GFRA1: variants seen among roughly 807,000 people sequenced by gnomAD.
GFRA1 encodes the protein GDNF family receptor alpha 1.
GFRA1 carries 16 observed loss-of-function variants against 51.6 expected under a neutral mutation model. That is an observed-to-expected ratio of 0.31 (90% CI 0.21 to 0.47). The LOEUF (loss-of-function observed/expected upper bound fraction) is 0.47, where lower values mean the gene tolerates loss of function less well. Among genes scored for constraint, GFRA1 ranks in the 20% least tolerant of loss-of-function variants. The pLI, the probability that GFRA1 is intolerant of heterozygous loss-of-function variation, is 1.00. For synonymous variants in GFRA1, 270 were observed against 241.3 expected (o/e 1.12, Z -1.10); for missense variants, 530 against 594.3 (o/e 0.89, Z 1.13).
At chr10:116,154,515 T>C (rs1380495291) in intron 5 of GFRA1, among the ~76,000 whole-genome samples, 1 of 152,192 alleles carries the variant, frequency 6.6e-6, no homozygotes, top group East Asian at 1.9e-4. Flanking sequence ...GCAAACTTAA[T>C]CCATGCTGAC....
At chr10:116,117,071 G>A (rs777277801) in intron 6 of GFRA1, among the ~76,000 whole-genome samples, 4 of 152,174 alleles carry the variant, frequency 2.6e-5, no homozygotes, top group Non-Finnish European at 5.9e-5. Flanking sequence ...GGAAGACTGA[G>A]CTGATTCCTA....
Position 116,061,769 on chromosome 10 carries a change from C to T in GFRA1, c.*2629G>A. The T allele has an allele frequency of 2.6e-6, 1 of 384,882 alleles. No homozygotes were observed. The highest frequency in any genetic ancestry group is 4.6e-6 in the Non-Finnish European group (1 of 217,698). 23.8% of individuals were successfully genotyped at this position (384,882 alleles called of 1,614,324 possible). Reference sequence around the variant, plus strand: ...CGAATCATTTTTGCTTTTAAGCACGCCAAGAAGAAGTGAGACAGGTAAATG... The same window carrying T: ...CGAATCATTTTTGCTTTTAAGCACGTCAAGAAGAAGTGAGACAGGTAAATG... On this transcript the variant is annotated 3_prime_UTR_variant, in exon 11 of 11. Coordinates refer to ENST00000355422, the MANE Select transcript of GFRA1 (RefSeq NM_005264.8).
rs535424263 is a variant in GFRA1, at chr10:116,135,266, C to A, written c.434-9709G>T. ...TACCAGGAAACTGGCTTTTTAAAAT[C>A]TCTTTCAACCTAATTATAATTACGG... is the stretch of plus-strand genomic sequence containing the variant. On this transcript the variant is annotated intron_variant, in intron 5 of 10. Transcript: ENST00000355422. Among the ~76,000 whole-genome samples the A allele has an allele frequency of 2.6e-4, 39 of 152,292 alleles. 1 individual carries two copies. Among genetic ancestry groups the A allele is most frequent in the African/African-American group, 7.7e-4 (32 of 41,548 alleles).
chr10:116,271,455 C>G (rs1045835206), intron 2 of GFRA1, among the ~76,000 whole-genome samples: 1 of 152,144 alleles, frequency 6.6e-6, no homozygotes, highest in Non-Finnish European at 1.5e-5. Flanking sequence ...CCCGGGCCAC[C>G]CCCGGCTCCA....
chr10:116,106,019 A>G (rs1298675640), intron 6 of GFRA1, among the ~76,000 whole-genome samples: 6 of 152,172 alleles, frequency 3.9e-5, no homozygotes, highest in Non-Finnish European at 8.8e-5. Flanking sequence ...GGAGTCTTTA[A>G]AAGTGGAATA....
At chr10:116,067,873 T>G (rs1955187026) in intron 9 of GFRA1, among the ~76,000 whole-genome samples, 1 of 152,176 alleles carries the variant, frequency 6.6e-6, no homozygotes, top group Admixed American at 6.5e-5. Context: ...TAACTTCAAT[T>G]TCACAGGAAA....
chr10:116,166,017 T>A (rs1565622214), intron 5 of GFRA1, among the ~76,000 whole-genome samples: 1 of 152,214 alleles, frequency 6.6e-6, no homozygotes, highest in Admixed American at 6.5e-5. Context: ...TCTTTTCATT[T>A]AGCTCCCACT....
In GFRA1 at chr10:116,096,666, G is replaced by A. The variant is rs749899433; in HGVS notation, c.869C>T (p.Ser290Leu). 20 of 1,583,220 alleles carry A rather than the reference G, an allele frequency of 1.3e-5. No individual in the cohort carries two copies. The highest frequency in any genetic ancestry group is 1.2e-4 in the Admixed American group (7 of 59,892). Residue 290 changes from serine to leucine, a missense_variant, in exon 7 of 11, where the codon TCG becomes TTG. Transcript: ENST00000355422. ...ENYADCLLAY[S>L]GLIGTVMTPN... is the part of the protein sequence containing the mutation. ...CTCTCGGATCTTACCAATAAGCCCC[G>A]AGTAGGCGAGGAGGCAGTCAGCGTA...
chr10:116,239,867 C>G (rs1237294088), intron 4 of GFRA1, among the ~76,000 whole-genome samples: 1 of 152,010 alleles, frequency 6.6e-6, no homozygotes, highest in Admixed American at 6.6e-5. Flanking sequence ...TAAATTTGAG[C>G]AAAACTATCA....
chr10:116,231,786 G>A (rs1966691999), intron 4 of GFRA1, among the ~76,000 whole-genome samples: 1 of 152,134 alleles, frequency 6.6e-6, no homozygotes, highest in African/African-American at 2.4e-5. Flanking sequence ...AAAAGCTAAT[G>A]CTCTGTGACA....
At chr10:116,243,091 T>C (rs757460796) in intron 4 of GFRA1, among the ~76,000 whole-genome samples, 9 of 152,214 alleles carry the variant, frequency 5.9e-5, no homozygotes, top group Non-Finnish European at 2.9e-5. Flanking sequence ...GCATTTAAAA[T>C]CTTACTACAT....
In GFRA1 at chr10:116,064,082, C is replaced by CATG. The variant is rs1954970618; in HGVS notation, c.*315_*316insCAT. 4.6e-5 allele frequency: 8 copies of CATG among 175,514 alleles called. No homozygotes were observed. In the African/African-American group the frequency reaches 4.6e-4, roughly 10 times the overall value. 10.9% of individuals were successfully genotyped at this position (175,514 alleles called of 1,614,324 possible). A position where few individuals can be genotyped will look rare whatever the true frequency, so the allele number is the denominator to read the frequency against. On this transcript the variant is annotated 3_prime_UTR_variant, in exon 11 of 11. Coordinates refer to ENST00000355422, the MANE Select transcript of GFRA1 (RefSeq NM_005264.8). The stretch of plus-strand genomic sequence containing the variant: ...TGATCATCATCATGATCATGATGAT[C>CATG]ATCATCATGATCATCATCATCATCG...
intron 5 of GFRA1, among the ~76,000 whole-genome samples, chr10:116,169,804 G>A (rs569323009): frequency 6.6e-6 from 1 of 152,254 alleles, no homozygotes; most frequent in South Asian, 2.1e-4. Context: ...AAGGACCCAG[G>A]TGCGGGTGCA....
upstream of GFRA1, among the ~76,000 whole-genome samples, chr10:116,274,616 C>G (rs1396432543): frequency 2.6e-5 from 4 of 152,164 alleles, no homozygotes; most frequent in Non-Finnish European, 5.9e-5. Flanking sequence ...CAAAGAGGGT[C>G]TGCGCCTCGG....
At chr10:116,176,015 G>A (rs772243629) in intron 5 of GFRA1, among the ~76,000 whole-genome samples, 4 of 152,162 alleles carry the variant, frequency 2.6e-5, no homozygotes, top group Non-Finnish European at 5.9e-5. Context: ...GATCGTTTCC[G>A]CCACAAACAA....
At chr10:116,223,500 C>G (rs960306304) in intron 4 of GFRA1, among the ~76,000 whole-genome samples, 2 of 151,808 alleles carry the variant, frequency 1.3e-5, no homozygotes, top group Non-Finnish European at 2.9e-5. Context: ...TGTGGCTCCT[C>G]TCTCTCCATC....
intron 9 of GFRA1, among the ~76,000 whole-genome samples, chr10:116,067,987 C>T (rs532702944): frequency 1.5e-4 from 23 of 152,336 alleles, no homozygotes; most frequent in South Asian, 4.1e-4. Flanking sequence ...AGTTTCTGGC[C>T]TTGTCTCCGT....
At chr10:116,227,352 T>C (rs1235240914) in intron 4 of GFRA1, among the ~76,000 whole-genome samples, 2 of 152,224 alleles carry the variant, frequency 1.3e-5, no homozygotes, top group Non-Finnish European at 2.9e-5. Flanking sequence ...TTCAAACTTA[T>C]TCTTTGGAGC....
At chr10:116,243,584 C>T (rs1471297275) in intron 4 of GFRA1, among the ~76,000 whole-genome samples, 1 of 141,744 alleles carries the variant, frequency 7.1e-6, no homozygotes, top group Admixed American at 7.4e-5. Flanking sequence ...AAAAAAAACA[C>T]AGGGAAACTG....
Sources: gnomAD v4.1 joint callset for allele counts (sites outside exome capture counted in the v4.1 genomes callset) on GRCh38, gnomAD v4.1.1 for gene constraint, MANE v1.5 for transcripts, NCBI Gene and HGNC (gene_info 2026-07-23, HGNC 2026-07-21) for gene names.